Variants in IL36A observed in about 807,000 individuals in gnomAD.
IL36A encodes the protein interleukin 36 alpha.
In IL36A, 13 loss-of-function variants were observed where a neutral mutation model predicts 12.7. The ratio of observed to expected loss-of-function variants is 1.02; its 90% CI spans 0.67 to 1.63. The LOEUF (loss-of-function observed/expected upper bound fraction) is 1.63, where lower values mean the gene tolerates loss of function less well. Among genes scored for constraint, IL36A ranks in the 40% most tolerant of loss-of-function variants. The pLI, the probability that IL36A is intolerant of heterozygous loss-of-function variation, is 0.00. For missense variants in IL36A, 195 were observed against 192.9 expected, an observed-to-expected ratio of 1.01 and a Z score of -0.07; for synonymous variants, 73 against 71.9, an observed-to-expected ratio of 1.01 and a Z score of -0.08.
downstream of IL36A, among the ~76,000 whole-genome samples, chr2:113,010,958 T>A (rs542017834): frequency 2.0e-5 from 3 of 152,302 alleles, no homozygotes; most frequent in East Asian, 5.8e-4. Context: ...TATCTGTAAG[T>A]GGAATCATGC....
rs1191771163 is a variant in IL36A, at chr2:113,006,001, G to T, written c.38G>T (p.Gly13Val). The change falls in exon 2 of 4, where the codon GGG becomes GTG. Residue 13 changes from glycine (G) to valine (V), a missense_variant. By Grantham distance (109) the Gly-to-Val change is moderately radical (BLOSUM62 -3). Transcript: ENST00000259211. ...TTGAAAATTGACACACCTCAGCAGG[G>T]GAGCATTCAGGATATCAATCATCGG... ...KALKIDTPQQ[G>V]SIQDINHRVW... is the part of the protein sequence containing the mutation. The T allele has an allele frequency of 6.2e-7, 1 of 1,613,956 alleles. No individual in the cohort carries two copies. The highest frequency in any genetic ancestry group is 2.2e-5 in the East Asian group (1 of 44,884).
Position 113,005,882 on chromosome 2 carries a change from G to C in IL36A, c.10+1G>C. 6.2e-7 allele frequency: 1 copy of C among 1,614,134 alleles called. No individual in the cohort carries two copies. Among genetic ancestry groups the C allele is most frequent in the Non-Finnish European group, 8.5e-7 (1 of 1,179,998 alleles). On this transcript the variant is annotated splice_donor_variant, in intron 1 of 3. Coordinates refer to ENST00000259211, the MANE Select transcript of IL36A (RefSeq NM_014440.3). LOFTEE classifies it high-confidence loss of function. Reference sequence around the variant, plus strand: ...AACAACACCACCACAATGGAAAAAGGTAAAGATCCTCGTGGAAGGGCGAAA... The same window carrying C: ...AACAACACCACCACAATGGAAAAAGCTAAAGATCCTCGTGGAAGGGCGAAA...
chr2:113,007,491 T>C (rs545324699), intron 3 of IL36A, among the ~76,000 whole-genome samples: 1 of 152,352 alleles, frequency 6.6e-6, no homozygotes, highest in South Asian at 2.1e-4. Context: ...CTGTTTTAAT[T>C]TGAAATTTAC....
intron 3 of IL36A, among the ~76,000 whole-genome samples, chr2:113,007,573 T>C (rs1235085086): frequency 6.6e-6 from 1 of 152,240 alleles, no homozygotes; most frequent in Non-Finnish European, 1.5e-5. Context: ...CAATGCTTTG[T>C]ATTCTCAAAA....
rs1056683236 is a variant in IL36A at position 113,007,448 on chromosome 2, G to A, written c.265-384G>A. Among the ~76,000 whole-genome samples, 39 of 152,202 alleles carry A rather than the reference G, an allele frequency of 2.6e-4. 1 individual carries two copies. The highest frequency in any genetic ancestry group is 2.0e-3 in the Admixed American group (30 of 15,288). ...AATCATCTTGCCTAAAATGTCAATA[G>A]TGCTGAAGGTGCAGAAACCTGACAG... On this transcript the variant is annotated intron_variant, in intron 3 of 3. Coordinates refer to ENST00000259211, the MANE Select transcript of IL36A (RefSeq NM_014440.3).
Position 113,007,975 on chromosome 2 carries a change from T to C in IL36A, c.408T>C (p.Cys136=). ...WFIAVSSEGG[C]PLILTQELGK... is the part of the protein sequence containing the mutation. ...TCGCTGTCAGCTCTGAAGGAGGCTG[T>C]CCTCTCATCCTTACCCAAGAACTGG... Residue 136 remains cysteine (C), a synonymous_variant, in exon 4 of 4, where the codon TGT becomes TGC. Coordinates refer to ENST00000259211, the MANE Select transcript of IL36A (RefSeq NM_014440.3). 2 of 1,614,222 alleles carry C rather than the reference T, an allele frequency of 1.2e-6. No individual in the cohort carries two copies. The highest frequency in any genetic ancestry group is 2.2e-5 in the South Asian group (2 of 91,082).
At position 113,007,994 on chromosome 2, in the gene IL36A, G is replaced by T; in HGVS notation, c.427G>T (p.Glu143Ter). ...EGGCPLILTQ[E>*]LGKANTTDFG... ...AGGCTGTCCTCTCATCCTTACCCAA[G>T]AACTGGGGAAAGCCAACACTACTGA... Residue 143 changes from glutamate to a stop codon, truncating the protein, a stop_gained, in exon 4 of 4, where the codon GAA (glutamate) becomes TAA (stop). Transcript: ENST00000259211. LOFTEE classifies it low-confidence loss of function (END_TRUNC). 6.2e-7 allele frequency: 1 copy of T among 1,614,210 alleles called. No homozygotes were observed. Among genetic ancestry groups the T allele is most frequent in the Non-Finnish European group, 8.5e-7 (1 of 1,180,034 alleles).
chr2:113,008,040 T>G lies in IL36A; in HGVS notation c.473T>G (p.Phe158Cys), dbSNP rs1479717488. Residue 158 changes from phenylalanine to cysteine, a missense_variant, in exon 4 of 4, where the codon TTT becomes TGT. By Grantham distance (205) the Phe-to-Cys change is radical. Coordinates refer to ENST00000259211, the MANE Select transcript of IL36A (RefSeq NM_014440.3). Reference protein sequence around the residue: ...NTTDFGLTMLF With the variant: ...NTTDFGLTMLC ...ACTGACTTTGGGTTAACTATGCTGT[T>G]TTAAGGTCAGTTGGGTTTGGAGGAT... The G allele has an allele frequency of 3.7e-6, 6 of 1,613,430 alleles. No individual in the cohort carries two copies. The highest frequency in any genetic ancestry group is 5.1e-6 in the Non-Finnish European group (6 of 1,179,482).
chr2:113,010,375 C>T (rs1357956317), downstream of IL36A, among the ~76,000 whole-genome samples: 1 of 152,220 alleles, frequency 6.6e-6, no homozygotes, highest in Non-Finnish European at 1.5e-5. Context: ...AAAAGTAGAA[C>T]TGTTTCTTCT....
Position 113,005,897 on chromosome 2 carries a change from G to C in IL36A, c.10+16G>C, listed in dbSNP as rs773599574. ...ATGGAAAAAGGTAAAGATCCTCGTG[G>C]AAGGGCGAAAAATTGACAAGGGGGT... is the stretch of plus-strand genomic sequence containing the variant. On this transcript the variant is annotated intron_variant, in intron 1 of 3. Transcript: ENST00000259211. 7.4e-6 allele frequency: 12 copies of C among 1,614,062 alleles called. No homozygotes were observed. Among genetic ancestry groups the C allele is most frequent in the Non-Finnish European group, 9.3e-6 (11 of 1,179,954 alleles).
At chr2:113,010,010 T>C (rs725140), downstream of IL36A, among the ~76,000 whole-genome samples, 41,048 of 150,634 alleles carry the variant, frequency 0.27, 7,292 homozygotes, top group Admixed American at 0.41. Context: ...AAGACTTCTT[T>C]TTAATCCTCT....
At position 113,007,993 on chromosome 2, in the gene IL36A, A is replaced by C. The variant is rs1221530803; in HGVS notation, c.426A>C (p.Gln142His). 1 of 1,614,200 alleles carries C rather than the reference A, an allele frequency of 6.2e-7. No individual in the cohort carries two copies. Among genetic ancestry groups the C allele is most frequent in the East Asian group, 2.2e-5 (1 of 44,888 alleles). ...SEGGCPLILT[Q>H]ELGKANTTDF... ...GAGGCTGTCCTCTCATCCTTACCCA[A>C]GAACTGGGGAAAGCCAACACTACTG... Residue 142 changes from glutamine to histidine, a missense_variant, in exon 4 of 4, where the codon CAA (glutamine) becomes CAC (histidine). By Grantham distance (24) the Gln-to-His change is conservative (BLOSUM62 0). Coordinates refer to ENST00000259211, the MANE Select transcript of IL36A (RefSeq NM_014440.3).
At chr2:113,009,563 T>C (rs1467756980), downstream of IL36A, among the ~76,000 whole-genome samples, 1 of 152,188 alleles carries the variant, frequency 6.6e-6, no homozygotes, top group African/African-American at 2.4e-5. Context: ...AATATTGTGG[T>C]TATAATATTG....
downstream of IL36A, among the ~76,000 whole-genome samples, chr2:113,010,825 A>T (rs1867827): frequency 0.1 from 15,506 of 152,166 alleles, 1,475 homozygotes; most frequent in East Asian, 0.56. Context: ...TCTAGAACTT[A>T]CTTCTCTTGC....
Position 113,007,841 on chromosome 2 carries a change from A to G in IL36A, c.274A>G (p.Ile92Val). 6.2e-7 allele frequency: 1 copy of G among 1,613,862 alleles called. No individual in the cohort carries two copies. ...CCTTCGCACCCTTCAGGAAAAGGAT[A>G]TAATGGATTTGTACAACCAACCCGA... ...QPTLQLKEKD[I>V]MDLYNQPEPV... Residue 92 changes from isoleucine to valine, a missense_variant, in exon 4 of 4, where the codon ATA (isoleucine) becomes GTA (valine). Transcript: ENST00000259211.
At position 113,006,072 on chromosome 2, in the gene IL36A, G is replaced by C. The variant is rs766240065; in HGVS notation, c.109G>C (p.Asp37His). Reference sequence around the variant, plus strand: ...GACGCTCATAGCAGTCCCGAGGAAGGACCGTATGTCTCCAGGTGAGTAGCC... The same window carrying C: ...GACGCTCATAGCAGTCCCGAGGAAGCACCGTATGTCTCCAGGTGAGTAGCC... ...DQTLIAVPRK[D>H]RMSPVTIALI... The change falls in exon 2 of 4, where the codon GAC (aspartate) becomes CAC (histidine). Residue 37 changes from aspartate (D) to histidine (H), a missense_variant. Transcript: ENST00000259211. 1 of 1,611,902 alleles carries C rather than the reference G, an allele frequency of 6.2e-7. No homozygotes were observed. Among genetic ancestry groups the C allele is most frequent in the Non-Finnish European group, 8.5e-7 (1 of 1,177,994 alleles).
chr2:113,006,812 C>A, intron 3 of IL36A, 75 bp downstream of exon 3: 4 of 1,478,360 alleles, frequency 2.7e-6, no homozygotes, highest in Non-Finnish European at 3.7e-6. Flanking sequence ...AGACAATGTA[C>A]TTATTATGCT....
chr2:113,005,677 C>A lies in IL36A; in HGVS notation c.-195C>A, dbSNP rs1573353454. 9.3e-6 allele frequency: 6 copies of A among 644,302 alleles called. No individual in the cohort carries two copies. In the East Asian group the frequency reaches 1.4e-4, roughly 15 times the overall value. The allele number at this position is 644,302 out of a possible 1,614,324, so 39.9% of individuals were successfully genotyped here. A position where few individuals can be genotyped will look rare whatever the true frequency, so the allele number is the denominator to read the frequency against. ...AGCTGCTTCTGCTGGAGGTAGACTG[C>A]ATCCAACAAAGTAAGGGTGCTGGGT... On this transcript the variant is annotated 5_prime_UTR_variant, in exon 1 of 4. Transcript: ENST00000259211.
At position 113,006,089 on chromosome 2, in the gene IL36A, T is replaced by C. The variant is rs1684614289; in HGVS notation, c.124+2T>C. The C allele has an allele frequency of 1.9e-6, 3 of 1,592,214 alleles. No homozygotes were observed. The highest frequency in any genetic ancestry group is 2.6e-6 in the Non-Finnish European group (3 of 1,160,170). On this transcript the variant is annotated splice_donor_variant, in intron 2 of 3. Transcript: ENST00000259211. LOFTEE classifies it high-confidence loss of function. ...CGAGGAAGGACCGTATGTCTCCAGG[T>C]GAGTAGCCACGGTCTGTGAAAGGCA...
Sources: gnomAD v4.1 joint callset for allele counts (sites outside exome capture counted in the v4.1 genomes callset) on GRCh38, gnomAD v4.1.1 for gene constraint, MANE v1.5 for transcripts, NCBI Gene and HGNC (gene_info 2026-07-23, HGNC 2026-07-21) for gene names.